The following USP34 variants were observed in gnomAD, a reference collection of about 807,000 sequenced individuals.
USP34 encodes ubiquitin carboxyl-terminal hydrolase 34.
Under a neutral mutation model 460.3 loss-of-function variants are expected in USP34, and 70 were observed. That is an observed-to-expected ratio of 0.15 (90% CI 0.13 to 0.19). USP34 has a LOEUF of 0.19. Among genes scored for constraint, USP34 ranks in the 10% least tolerant of loss-of-function variants. The pLI, the probability that USP34 is intolerant of heterozygous loss-of-function variation, is 1.00. For missense variants in USP34, 3,985 were observed against 4,236.2 expected (o/e 0.94, Z 1.65); for synonymous variants, 1,647 against 1,405.3 (o/e 1.17, Z -3.85).
At chr2:61,393,774 C>T (rs1166277456) in intron 5 of USP34, among the ~76,000 whole-genome samples, 6 of 152,052 alleles carry the variant, frequency 3.9e-5, no homozygotes, top group African/African-American at 1.2e-4. Context: ...TTTTGCTTTA[C>T]CAATTTTTTA....
At chr2:61,401,324 G>C (rs765079283) in intron 3 of USP34, among the ~76,000 whole-genome samples, 10 of 151,516 alleles carry the variant, frequency 6.6e-5, no homozygotes, top group Non-Finnish European at 1.2e-4. Flanking sequence ...CTGCAGCTTT[G>C]ACCTCCTGGC....
At chr2:61,467,918 T>A (rs955590173) in intron 1 of USP34, among the ~76,000 whole-genome samples, 1 of 151,574 alleles carries the variant, frequency 6.6e-6, no homozygotes, top group African/African-American at 2.4e-5. Flanking sequence ...GTATTCAGAG[T>A]TGCCCGGCCA....
chr2:61,445,912 C>A (rs1431108550), intron 1 of USP34, among the ~76,000 whole-genome samples: 1 of 151,754 alleles, frequency 6.6e-6, no homozygotes, highest in East Asian at 1.9e-4. Flanking sequence ...CGTGCCACTG[C>A]ACTCCAGCCT....
At position 61,417,238 on chromosome 2, in the gene USP34, T is replaced by C. The variant is rs191063293; in HGVS notation, c.131+3508A>G. ...AAGGTCAGAAACACGAACATACATC[T>C]GAAAGGCCTGTCTCCAAGGTCCCTT... On this transcript the variant is annotated intron_variant, in intron 2 of 79. Transcript: ENST00000398571. 2.2e-4 allele frequency: 306 copies of C among 1,377,628 alleles called. 1 individual carries two copies. In the East Asian group the frequency reaches 6.8e-3, roughly 31 times the overall value. 85.3% of individuals were successfully genotyped at this position (1,377,628 alleles called of 1,614,324 possible).
chr2:61,405,232 C>CAAAAAAAAAAAAAAAAAAAAA (rs199659618), intron 3 of USP34, among the ~76,000 whole-genome samples: 68 of 78,060 alleles, frequency 8.7e-4, no homozygotes, highest in Middle Eastern at 9.1e-3. Context: ...GACTCCATCT[C>CAAAAAAAAAAAAAAAAAAAAA]AAAAAAAAAA....
chr2:61,278,157 A>G lies in USP34; in HGVS notation c.5433+8T>C. ...TTCATAGAAACATTTGATTATCTTA[A>G]CACTTACCTGTCCTTCCCTTGAAAA... On this transcript the variant is annotated splice_region_variant and intron_variant, in intron 41 of 79. Coordinates refer to ENST00000398571, the MANE Select transcript of USP34 (RefSeq NM_014709.4). The G allele has an allele frequency of 6.2e-7, 1 of 1,611,500 alleles. No individual in the cohort carries two copies. Among genetic ancestry groups the G allele is most frequent in the South Asian group, 1.1e-5 (1 of 90,656 alleles).
intron 20 of USP34, among the ~76,000 whole-genome samples, chr2:61,328,945 T>A (rs1691177976): frequency 6.6e-6 from 1 of 152,232 alleles, no homozygotes; most frequent in African/African-American, 2.4e-5. Flanking sequence ...TGCTGACAAG[T>A]AATTAACTCC....
chr2:61,265,268 A>C, intron 43 of USP34, 129 bp downstream of exon 43: 1 of 952,056 alleles, frequency 1.1e-6, no homozygotes, highest in East Asian at 2.7e-5. Flanking sequence ...TTAGCTAGTT[A>C]CTGTAATCAA....
intron 30 of USP34, among the ~76,000 whole-genome samples, chr2:61,296,272 A>G (rs1359408104): frequency 6.6e-6 from 1 of 152,090 alleles, no homozygotes; most frequent in East Asian, 1.9e-4. Flanking sequence ...AAATAAATAA[A>G]TAAATAAATA....
chr2:61,421,806 C>CGCGT (rs1694367292), intron 1 of USP34, among the ~76,000 whole-genome samples: 2 of 152,126 alleles, frequency 1.3e-5, no homozygotes, highest in Non-Finnish European at 2.9e-5. Context: ...CACGCGCGCG[C>CGCGT]GCGCACCTTC....
chr2:61,242,002 T>C (rs1409384775), intron 51 of USP34, among the ~76,000 whole-genome samples, 183 bp from the exon 52 acceptor site: 1 of 152,076 alleles, frequency 6.6e-6, no homozygotes, highest in Non-Finnish European at 1.5e-5. Context: ...TATCCTAATA[T>C]CTTTTTTTTA....
intron 2 of USP34, among the ~76,000 whole-genome samples, chr2:61,410,925 T>A (rs1313602816): frequency 2.0e-5 from 3 of 152,100 alleles, no homozygotes; most frequent in Admixed American, 1.3e-4. Context: ...AAGGCAGGGA[T>A]GAAGCCTGAG....
intron 1 of USP34, among the ~76,000 whole-genome samples, chr2:61,440,998 G>C (rs1193984476): frequency 1.3e-5 from 2 of 151,792 alleles, no homozygotes; most frequent in African/African-American, 4.8e-5. Context: ...CGTGATGGCA[G>C]GTGCCTGTAG....
chr2:61,257,556 G>C (rs1166326148), intron 44 of USP34, among the ~76,000 whole-genome samples: 1 of 151,986 alleles, frequency 6.6e-6, no homozygotes, highest in Non-Finnish European at 1.5e-5. Context: ...AATTACCTAG[G>C]ATATTTGTAT....
chr2:61,227,688 GAGAC>G (rs1047105896), intron 61 of USP34, among the ~76,000 whole-genome samples: 1 of 151,688 alleles, frequency 6.6e-6, no homozygotes, highest in African/African-American at 2.4e-5. Flanking sequence ...TCCAGCCTGG[GAGAC>G]AGAGTGAGAC....
intron 10 of USP34, among the ~76,000 whole-genome samples, chr2:61,360,246 G>C (rs908665273): frequency 6.6e-6 from 1 of 151,932 alleles, no homozygotes; most frequent in Non-Finnish European, 1.5e-5. Context: ...TAGAAAACAG[G>C]AAAGAAAAAT....
rs755952216 is a variant in USP34 at position 61,279,098 on chromosome 2, G to GT, written c.5257-656dup. On this transcript the variant is annotated intron_variant, in intron 39 of 79. Coordinates refer to ENST00000398571, the MANE Select transcript of USP34 (RefSeq NM_014709.4). ...TAGCTCAAATGGGCAAGCCCAGGTT[G>GT]TTTTTTTTTTTTAAAGTACAATGTT... is the stretch of plus-strand genomic sequence containing the variant. Among the ~76,000 whole-genome samples the GT allele has an allele frequency of 1.1e-3, 156 of 140,456 alleles. 1 individual carries two copies. The highest frequency in any genetic ancestry group is 4.4e-3 in the East Asian group (21 of 4,812). 92.1% of individuals were successfully genotyped at this position (140,456 alleles called of 152,430 possible). A position where few individuals can be genotyped will look rare whatever the true frequency, so the allele number is the denominator to read the frequency against.
chr2:61,303,500 T>C (rs1230221005), intron 27 of USP34, among the ~76,000 whole-genome samples: 1 of 152,250 alleles, frequency 6.6e-6, no homozygotes, highest in African/African-American at 2.4e-5. Context: ...ATTCAAATCA[T>C]TTTGTATTAT....
At chr2:61,397,109 G>A (rs907657585) in intron 3 of USP34, among the ~76,000 whole-genome samples, 1 of 152,070 alleles carries the variant, frequency 6.6e-6, no homozygotes, top group Non-Finnish European at 1.5e-5. Flanking sequence ...GAAGTTCAAA[G>A]GCCTTTCAAA....
Sources: gnomAD v4.1 joint callset for allele counts (sites outside exome capture counted in the v4.1 genomes callset) on GRCh38, gnomAD v4.1.1 for gene constraint, MANE v1.5 for transcripts, NCBI Gene and HGNC (gene_info 2026-07-23, HGNC 2026-07-21) for gene names.